ANK2: variants seen among roughly 807,000 people sequenced by gnomAD.
ANK2 encodes the protein ankyrin-2.
A neutral mutation model predicts 360.5 loss-of-function variants in ANK2; 83 were observed. That is an observed-to-expected ratio of 0.23 (90% CI 0.19 to 0.28). ANK2 has a LOEUF of 0.28. Among genes scored for constraint, ANK2 ranks in the 10% least tolerant of loss-of-function variants. The pLI is 1.00. For synonymous variants in ANK2, 1,740 were observed against 1,759.5 expected (o/e 0.99, Z 0.28); for missense variants, 4,201 against 4,795.7 (o/e 0.88, Z 3.66).
intron 1 of ANK2, among the ~76,000 whole-genome samples, chr4:112,848,167 C>T (rs1038549265): frequency 1.3e-5 from 2 of 151,844 alleles, no homozygotes; most frequent in East Asian, 1.9e-4. Context: ...ACTCTGTCAC[C>T]GAGGCTGGAG....
chr4:113,149,335 A>C (rs2096949755), intron 1 of ANK2: 1 of 152,198 alleles, frequency 6.6e-6, no homozygotes, highest in Non-Finnish European at 1.5e-5. Flanking sequence ...GAAGCATATC[A>C]GTATGTCAAA....
intron 1 of ANK2, among the ~76,000 whole-genome samples, chr4:113,170,723 C>G (rs1268482314): frequency 6.6e-6 from 1 of 152,284 alleles, no homozygotes; most frequent in African/African-American, 2.4e-5. Flanking sequence ...CATGTCCACA[C>G]TGCTGGGTGC....
chr4:113,011,656 G>T (rs2054779913), intron 2 of ANK2, among the ~76,000 whole-genome samples: 1 of 152,044 alleles, frequency 6.6e-6, no homozygotes, highest in Admixed American at 6.6e-5. Context: ...CTGGTGACAA[G>T]GATGTAATTT....
chr4:112,859,301 T>A (rs1318678529), intron 1 of ANK2, among the ~76,000 whole-genome samples: 2 of 152,228 alleles, frequency 1.3e-5, no homozygotes, highest in Admixed American at 1.3e-4. Flanking sequence ...CTTAGCCTTT[T>A]CCTTAGTTGC....
chr4:113,034,045 A>C (rs1446495532), intron 2 of ANK2: 1 of 151,954 alleles, frequency 6.6e-6, no homozygotes, highest in Non-Finnish European at 1.5e-5. Context: ...GAATAGAATG[A>C]GTAATTTGCT....
At chr4:112,773,271 C>T in the ANK2 span, among the ~76,000 whole-genome samples, 1 of 152,126 alleles carries the variant, frequency 6.6e-6, no homozygotes, top group African/African-American at 2.4e-5. Flanking sequence ...GAGCCGTGAT[C>T]GTGCTGCTGA....
At chr4:113,139,501 G>T (rs2096562887) in intron 1 of ANK2, among the ~76,000 whole-genome samples, 1 of 152,160 alleles carries the variant, frequency 6.6e-6, no homozygotes, top group African/African-American at 2.4e-5. Context: ...TGCTTTAGTA[G>T]TTCATCAGTT....
intron 22 of ANK2, among the ~76,000 whole-genome samples, chr4:113,299,196 A>G (rs1054692878): frequency 2.0e-5 from 3 of 152,214 alleles, no homozygotes; most frequent in East Asian, 1.9e-4. Context: ...ATATAGTCCC[A>G]TTATCAGCAC....
At position 113,318,550 on chromosome 4, in the gene ANK2, T is replaced by G. The variant is rs775244130; in HGVS notation, c.2830T>G (p.Ser944Ala). 1.2e-6 allele frequency: 2 copies of G among 1,613,860 alleles called. No homozygotes were observed. Among genetic ancestry groups the G allele is most frequent in the South Asian group, 2.2e-5 (2 of 90,994 alleles). The change falls in exon 26 of 46, where the codon TCT (serine) becomes GCT (alanine). Residue 944 changes from serine to alanine, a missense_variant. This residue lies in a region of ANK2 where 1,268 missense variants were observed against 1,650.8 expected (regional missense o/e 0.77). Transcript: ENST00000357077. ...TCTAGCCAAGGAGGCAGAAAGGAAT[T>G]CTTATCGCCTAAGCTGGGGCACTGA... ...STLAKEAERN[S>A]YRLSWGTENL...
chr4:113,207,858 C>T (rs983336982), intron 4 of ANK2, among the ~76,000 whole-genome samples: 5 of 152,112 alleles, frequency 3.3e-5, no homozygotes, highest in African/African-American at 1.2e-4. Flanking sequence ...GGGCAGGGGG[C>T]ATGCGGAAGA....
chr4:112,825,926 G>A (rs1405429354), intron 1 of ANK2, among the ~76,000 whole-genome samples: 1 of 152,270 alleles, frequency 6.6e-6, no homozygotes, highest in Non-Finnish European at 1.5e-5. Flanking sequence ...CATATATAGG[G>A]TGGGCACCTC....
At position 112,896,011 on chromosome 4, in the gene ANK2, GA is replaced by G. The variant is rs539446340; in HGVS notation, c.-39-8441del. Among the ~76,000 whole-genome samples the G allele has an allele frequency of 2.0e-3, 305 of 152,292 alleles. 4 individuals are homozygous for G. Among genetic ancestry groups the G allele is most frequent in the African/African-American group, 7.0e-3 (291 of 41,564 alleles). On this transcript the variant is annotated intron_variant, in intron 1 of 30. Coordinates refer to the ANK2 transcript ENST00000503271. ...ATTTTGCCTCAGCATGCTGCATAAT[GA>G]AAGCATTTGTTCTCATTCTCTCACC...
At chr4:113,048,248 G>GTATATATATATATATATA (rs869196489), upstream of ANK2, among the ~76,000 whole-genome samples, 64 of 36,224 alleles carry the variant, frequency 1.8e-3, no homozygotes, top group East Asian at 5.8e-3. Flanking sequence ...CTACAAGTGT[G>GTATATATATATATATATA]TATATATATA....
chr4:113,050,358 G>C (rs1051674390), intron 1 of ANK2, among the ~76,000 whole-genome samples: 2 of 152,082 alleles, frequency 1.3e-5, no homozygotes, highest in African/African-American at 4.8e-5. Flanking sequence ...CTCCTCTGCA[G>C]TTTTCCCAGA....
upstream of ANK2, among the ~76,000 whole-genome samples, chr4:113,048,652 G>A (rs548142595): frequency 2.4e-4 from 37 of 151,722 alleles, no homozygotes; most frequent in Non-Finnish European, 4.9e-4. Flanking sequence ...ATAAAAACAA[G>A]CCCCATTTTT....
chr4:112,973,310 T>C (rs1414449908), intron 2 of ANK2, among the ~76,000 whole-genome samples: 2 of 152,196 alleles, frequency 1.3e-5, no homozygotes, highest in Non-Finnish European at 2.9e-5. Context: ...CACAAAACTC[T>C]AGCAAATAGG....
chr4:112,824,567 C>T (rs1048738507), intron 1 of ANK2, among the ~76,000 whole-genome samples: 7 of 149,980 alleles, frequency 4.7e-5, no homozygotes, highest in Non-Finnish European at 7.4e-5. Flanking sequence ...TGCAGTGGTG[C>T]GATCTCAGCT....
chr4:113,181,712 C>T (rs576469153), intron 2 of ANK2, among the ~76,000 whole-genome samples: 5 of 152,144 alleles, frequency 3.3e-5, no homozygotes, highest in Admixed American at 3.3e-4. Flanking sequence ...GGAGGGAGCA[C>T]ACTTTAGAAG....
chr4:113,293,613 T>G (rs1255831586), intron 22 of ANK2, 75 bp downstream of exon 22: 6 of 1,375,686 alleles, frequency 4.4e-6, no homozygotes, highest in East Asian at 2.3e-5. Context: ...CAGTACTTTT[T>G]CACTCACAAG....
Sources: gnomAD v4.1 joint callset for allele counts (sites outside exome capture counted in the v4.1 genomes callset) on GRCh38, gnomAD v4.1.1 for gene constraint, gnomAD v4.1.1 regional missense constraint, MANE v1.5 for transcripts, NCBI Gene and HGNC (gene_info 2026-07-23, HGNC 2026-07-21) for gene names.